Variants in TFAP2E observed in about 807,000 individuals in gnomAD.
TFAP2E encodes the protein transcription factor AP-2 epsilon.
A neutral mutation model predicts 37.9 loss-of-function variants in TFAP2E; 30 were observed. That is an observed-to-expected ratio of 0.79 (90% confidence interval 0.59 to 1.07). The LOEUF (loss-of-function observed/expected upper bound fraction) is 1.07. TFAP2E is among the 50% of genes least tolerant of loss of function. The pLI is 0.00. For synonymous variants in TFAP2E, 318 were observed against 295.8 expected (o/e 1.08, Z -0.77); for missense variants, 567 against 637.9 (o/e 0.89, Z 1.20).
intron 3 of TFAP2E, among the ~76,000 whole-genome samples, chr1:35,578,689 G>A (rs559872478): frequency 6.6e-6 from 1 of 152,248 alleles, no homozygotes; most frequent in East Asian, 1.9e-4. Context: ...AGGGAGCTGG[G>A]GAGGGTCTCC....
At chr1:35,589,030 T>A (rs1333674254) in intron 4 of TFAP2E, among the ~76,000 whole-genome samples, 1 of 152,138 alleles carries the variant, frequency 6.6e-6, no homozygotes, top group Non-Finnish European at 1.5e-5. Flanking sequence ...GTATTTCTGC[T>A]TCAGGGCCAT....
Position 35,579,907 on chromosome 1 carries a change from T to C in TFAP2E, c.562+4907T>C, listed in dbSNP as rs567359688. 6.6e-5 allele frequency among the ~76,000 whole-genome samples: 10 copies of C among 151,834 alleles called. No homozygotes were observed. In the East Asian group the frequency reaches 2.0e-3, roughly 30 times the overall value. On this transcript the variant is annotated intron_variant, in intron 3 of 6. Transcript: ENST00000373235. ...GCAGGGGAGTGAAGGATAGAAATTA[T>C]ATGTAAAAGAAACCCTGGGCCGGGC...
intron 3 of TFAP2E, among the ~76,000 whole-genome samples, chr1:35,575,923 G>A (rs1649155794): frequency 6.6e-6 from 1 of 152,190 alleles, no homozygotes; most frequent in South Asian, 2.1e-4. Flanking sequence ...GCCATGACAG[G>A]GGAAGGTGAG....
rs1649215340 is a variant in TFAP2E, at chr1:35,577,525, T to G, written c.562+2525T>G. 1 of 451,928 alleles carries G rather than the reference T, an allele frequency of 2.2e-6. No homozygotes were observed. The highest frequency in any genetic ancestry group is 4.5e-6 in the Non-Finnish European group (1 of 223,752). 28.0% of individuals were successfully genotyped at this position (451,928 alleles called of 1,614,324 possible). ...CAGAGAAAGTCGCTCTTTGGCCACC[T>G]GAAGCGTCGGATCCCTACAGTGCCT... On this transcript the variant is annotated intron_variant, in intron 3 of 6. Coordinates refer to ENST00000373235, the MANE Select transcript of TFAP2E (RefSeq NM_178548.4). The surrounding 1 kb of genome is among the most constrained non-coding windows in gnomAD (Gnocchi z 6.3).
In TFAP2E at chr1:35,574,098, G is replaced by C; in HGVS notation, c.199G>C (p.Gly67Arg). The change falls in exon 2 of 7, where the codon GGT becomes CGT. Residue 67 changes from glycine to arginine, a missense_variant. Coordinates refer to ENST00000373235, the MANE Select transcript of TFAP2E (RefSeq NM_178548.4). ...PPYPQPPLPYGQAPDAAAAFP... is the reference protein window; with the variant it reads ...PPYPQPPLPYRQAPDAAAAFP... ...CTACCCGCAGCCACCGCTGCCCTAC[G>C]GTCAGGCGCCCGACGCCGCCGCAGC... 1 of 1,471,238 alleles carries C rather than the reference G, an allele frequency of 6.8e-7. No homozygotes were observed. The allele number at this position is 1,471,238 out of a possible 1,614,324, so 91.1% of individuals were successfully genotyped here. A position where few individuals can be genotyped will look rare whatever the true frequency, so the allele number is the denominator to read the frequency against.
Position 35,577,296 on chromosome 1 carries a change from C to A in TFAP2E, c.562+2296C>A, listed in dbSNP as rs575738549. The A allele has an allele frequency of 1.6e-4, 70 of 444,434 alleles. 1 individual carries two copies. The highest frequency in any genetic ancestry group is 2.7e-4 in the South Asian group (17 of 62,986). The allele number at this position is 444,434 out of a possible 1,614,324, so 27.5% of individuals were successfully genotyped here. A position where few individuals can be genotyped will look rare whatever the true frequency, so the allele number is the denominator to read the frequency against. ...CTGGAGCCGCCCCTCCCCACACCTG[C>A]CCTCGGCGCCCCCAGCAGTTTTCAC... On this transcript the variant is annotated intron_variant, in intron 3 of 6. Coordinates refer to ENST00000373235, the MANE Select transcript of TFAP2E (RefSeq NM_178548.4). This position sits in a 1 kb window ranked among gnomAD's most constrained non-coding sequence, Gnocchi z 6.3.
rs895790255 is a variant in TFAP2E at position 35,573,527 on chromosome 1, C to T, written c.-51C>T. 2.0e-6 allele frequency: 3 copies of T among 1,471,632 alleles called. No homozygotes were observed. Among genetic ancestry groups the T allele is most frequent in the Admixed American group, 2.7e-5 (1 of 37,022 alleles). The allele number at this position is 1,471,632 out of a possible 1,614,324, so 91.2% of individuals were successfully genotyped here. ...CGCCTCTGCCCGCAGCGCTCGCCGT[C>T]GGGCTAGGGCTCCGCCGCCGCCACG... On this transcript the variant is annotated 5_prime_UTR_variant, in exon 1 of 7. Transcript: ENST00000373235. The surrounding 1 kb of genome is among the most constrained non-coding windows in gnomAD (Gnocchi z 5.9).
At position 35,588,293 on chromosome 1, in the gene TFAP2E, G is replaced by A. The variant is rs374070739; in HGVS notation, c.563-37G>A. The stretch of plus-strand genomic sequence containing the variant: ...CCCTCCCTTGAGTGGGGCTGTGTGC[G>A]GCAGCCACTGGCTCAGCGTTTCCCT... On this transcript the variant is annotated intron_variant, in intron 3 of 6. Transcript: ENST00000373235. The surrounding 1 kb of genome is among the most constrained non-coding windows in gnomAD (Gnocchi z 5.1). The A allele has an allele frequency of 4.5e-6, 7 of 1,570,806 alleles. No homozygotes were observed. The highest frequency in any genetic ancestry group is 2.3e-5 in the East Asian group (1 of 44,140).
intron 6 of TFAP2E, among the ~76,000 whole-genome samples, chr1:35,593,542 A>G (rs1571111483): frequency 6.6e-6 from 1 of 152,318 alleles, no homozygotes; most frequent in Non-Finnish European, 1.5e-5. Context: ...GCTTTCCTCA[A>G]GTGCCCAAGG....
At chr1:35,589,906 C>A in intron 4 of TFAP2E, 24 bp from the exon 5 acceptor site, 1 of 1,608,306 alleles carries the variant, frequency 6.2e-7, no homozygotes, top group Non-Finnish European at 8.5e-7. Flanking sequence ...AGTTGTATGT[C>A]TGTCTGTCTC....
chr1:35,588,660 T>C lies in TFAP2E; in HGVS notation c.785+108T>C, dbSNP rs1649561677. ...GTCTCACCTAGGCCCTCTGCCTCAG[T>C]CTCCCTGGGAGGGGAGGCCCCGGGG... On this transcript the variant is annotated intron_variant, in intron 4 of 6. Coordinates refer to ENST00000373235, the MANE Select transcript of TFAP2E (RefSeq NM_178548.4). The surrounding 1 kb of genome is among the most constrained non-coding windows in gnomAD (Gnocchi z 5.1). The C allele has an allele frequency of 6.6e-6, 8 of 1,205,154 alleles. No individual in the cohort carries two copies. The East Asian group carries it at 2.0e-4, about 30-fold the overall frequency. The allele number at this position is 1,205,154 out of a possible 1,614,324, so 74.7% of individuals were successfully genotyped here. A position where few individuals can be genotyped will look rare whatever the true frequency, so the allele number is the denominator to read the frequency against.
chr1:35,587,778 G>T (rs905624333), intron 3 of TFAP2E, among the ~76,000 whole-genome samples: 3 of 152,020 alleles, frequency 2.0e-5, no homozygotes, highest in Non-Finnish European at 2.9e-5. Context: ...TTTAGCATTC[G>T]CAGAGTGACT....
In TFAP2E at chr1:35,573,890, C is replaced by T; in HGVS notation, c.28-37C>T. ...TTTCAGGCTGGGGTCCTTTCAGCTG[C>T]CAGTGGGTCACCTAAGGCACCCCTC... is the stretch of plus-strand genomic sequence containing the variant. On this transcript the variant is annotated intron_variant, in intron 1 of 6. Transcript: ENST00000373235. This position sits in a 1 kb window ranked among gnomAD's most constrained non-coding sequence, Gnocchi z 5.9. The T allele has an allele frequency of 7.0e-7, 1 of 1,438,784 alleles. No individual in the cohort carries two copies. Among genetic ancestry groups the T allele is most frequent in the South Asian group, 1.5e-5 (1 of 66,640 alleles). 89.1% of individuals were successfully genotyped at this position (1,438,784 alleles called of 1,614,324 possible).
rs1283400308 is a variant in TFAP2E at position 35,574,341 on chromosome 1, C to G, written c.442C>G (p.His148Asp). The G allele has an allele frequency of 1.4e-6, 2 of 1,445,492 alleles. No individual in the cohort carries two copies. Among genetic ancestry groups the G allele is most frequent in the Non-Finnish European group, 1.8e-6 (2 of 1,110,520 alleles). The allele number at this position is 1,445,492 out of a possible 1,614,324, so 89.5% of individuals were successfully genotyped here. A position where few individuals can be genotyped will look rare whatever the true frequency, so the allele number is the denominator to read the frequency against. The stretch of plus-strand genomic sequence containing the variant: ...CCTGCACGGCCTGGCCGACGGCGCG[C>G]ACGGCCTGGCAGACGCACCTCTCGG... ...RLLHGLADGA[H>D]GLADAPLGLP... Residue 148 changes from histidine (H) to aspartate (D), a missense_variant, in exon 2 of 7, where the codon CAC becomes GAC. Physicochemically the swap from His to Asp is moderately conservative, Grantham distance 81 (BLOSUM62 -1). Transcript: ENST00000373235.
Position 35,589,977 on chromosome 1 carries a change from A to T in TFAP2E, c.833A>T (p.Lys278Met). ...GGRCLRERLE[K>M]IGLNLPAGRR... ...CGGTGTTTGCGGGAACGGTTAGAGA[A>T]GATTGGGCTCAACCTGCCAGCTGGC... Residue 278 changes from lysine to methionine, a missense_variant, in exon 5 of 7, where the codon AAG (lysine) becomes ATG (methionine). Transcript: ENST00000373235. The T allele has an allele frequency of 3.7e-6, 6 of 1,614,110 alleles. No homozygotes were observed. Among genetic ancestry groups the T allele is most frequent in the Non-Finnish European group, 5.1e-6 (6 of 1,179,980 alleles).
At chr1:35,582,248 A>G (rs1011584542) in intron 3 of TFAP2E, among the ~76,000 whole-genome samples, 5 of 152,168 alleles carry the variant, frequency 3.3e-5, no homozygotes, top group African/African-American at 1.2e-4. Flanking sequence ...CTAATGACTA[A>G]TAATGTTAAG....
chr1:35,580,339 G>C (rs1397392968), intron 3 of TFAP2E, among the ~76,000 whole-genome samples: 1 of 152,174 alleles, frequency 6.6e-6, no homozygotes, highest in East Asian at 1.9e-4. Flanking sequence ...TGTGGGCCAG[G>C]GAGCAGGTCA....
Position 35,573,870 on chromosome 1 carries a change from G to A in TFAP2E, c.28-57G>A. The A allele has an allele frequency of 7.1e-7, 1 of 1,414,306 alleles. No individual in the cohort carries two copies. The highest frequency in any genetic ancestry group is 2.7e-4 in the Middle Eastern group (1 of 3,768). The allele number at this position is 1,414,306 out of a possible 1,614,324, so 87.6% of individuals were successfully genotyped here. A position where few individuals can be genotyped will look rare whatever the true frequency, so the allele number is the denominator to read the frequency against. ...TCCCGAGCTGAGGAGGATCCTTTCAGGCTGGGGTCCTTTCAGCTGCCAGTG... is the reference window on the plus strand; with the variant it reads ...TCCCGAGCTGAGGAGGATCCTTTCAAGCTGGGGTCCTTTCAGCTGCCAGTG... On this transcript the variant is annotated intron_variant, in intron 1 of 6. Coordinates refer to ENST00000373235, the MANE Select transcript of TFAP2E (RefSeq NM_178548.4). This position sits in a 1 kb window ranked among gnomAD's most constrained non-coding sequence, Gnocchi z 5.9.
At position 35,577,790 on chromosome 1, in the gene TFAP2E, G is replaced by T. The variant is rs1649225324; in HGVS notation, c.562+2790G>T. 1 of 236,424 alleles carries T rather than the reference G, an allele frequency of 4.2e-6. No individual in the cohort carries two copies. The highest frequency in any genetic ancestry group is 8.8e-6 in the Non-Finnish European group (1 of 113,768). 14.6% of individuals were successfully genotyped at this position (236,424 alleles called of 1,614,324 possible). ...AAGCGTCCGGGAGGGGCGGCCAGGC[G>T]AAGCCCCGGCGCTTTACCACACACT... On this transcript the variant is annotated intron_variant, in intron 3 of 6. Transcript: ENST00000373235. The surrounding 1 kb of genome is among the most constrained non-coding windows in gnomAD (Gnocchi z 6.3).
Sources: gnomAD v4.1 joint callset for allele counts (sites outside exome capture counted in the v4.1 genomes callset) on GRCh38, gnomAD v4.1.1 for gene constraint, Gnocchi (gnomAD v3.1) non-coding constraint, MANE v1.5 for transcripts, NCBI Gene and HGNC (gene_info 2026-07-23, HGNC 2026-07-21) for gene names.